The following SIAH1 variants were observed in gnomAD, a reference collection of about 807,000 sequenced individuals.
SIAH1 encodes the protein siah E3 ubiquitin protein ligase 1, also known as E3 ubiquitin-protein ligase SIAH1.
SIAH1 carries 2 observed loss-of-function variants against 20.0 expected under a neutral mutation model. The observed-to-expected ratio is 0.10, with a 90% CI of 0.04 to 0.31. SIAH1 has a LOEUF of 0.31. SIAH1 is among the 10% of genes least tolerant of loss of function. The pLI is 1.00. For synonymous variants in SIAH1, 118 were observed against 125.3 expected, an observed-to-expected ratio of 0.94 and a Z score of 0.39; for missense variants, 119 against 355.3, an observed-to-expected ratio of 0.33 and a Z score of 5.35.
intron 1 of SIAH1, among the ~76,000 whole-genome samples, chr16:48,367,486 T>C (rs768708986): frequency 6.6e-6 from 1 of 152,244 alleles, no homozygotes; most frequent in Non-Finnish European, 1.5e-5. Context: ...GCTCCACCAG[T>C]TGTTGAGCTG....
intron 1 of SIAH1, chr16:48,365,529 C>A: frequency 6.3e-7 from 1 of 1,587,202 alleles, no homozygotes; most frequent in Non-Finnish European, 8.5e-7. Context: ...GGAACAGGCC[C>A]CTCCTGGGCT....
At chr16:48,377,278 A>C (rs540702081) in intron 1 of SIAH1, among the ~76,000 whole-genome samples, 6 of 152,370 alleles carry the variant, frequency 3.9e-5, no homozygotes, top group African/African-American at 1.2e-4. Flanking sequence ...CAAAACAAAA[A>C]AAACAAGTCA....
intron 1 of SIAH1, among the ~76,000 whole-genome samples, chr16:48,372,980 C>T (rs1961023157): frequency 6.6e-6 from 1 of 152,220 alleles, no homozygotes; most frequent in Admixed American, 6.5e-5. Flanking sequence ...AAACTCTGTT[C>T]ACCGACTTCA....
rs544648565 is a variant in SIAH1, at chr16:48,379,364, A to G, written c.-3+5840T>C. On this transcript the variant is annotated intron_variant, in intron 1 of 1. Coordinates refer to ENST00000394725, the MANE Select transcript of SIAH1 (RefSeq NM_003031.4). ...AGCACAAATAGACATTTCAGAGGCT[A>G]AATACAATCATGACCAAAGGCACAG... Among the ~76,000 whole-genome samples the G allele has an allele frequency of 3.3e-5, 5 of 152,360 alleles. 1 individual carries two copies. The highest frequency in any genetic ancestry group is 3.3e-4 in the Admixed American group (5 of 15,310).
At chr16:48,378,725 T>C (rs1009037649) in intron 1 of SIAH1, among the ~76,000 whole-genome samples, 2 of 152,182 alleles carry the variant, frequency 1.3e-5, no homozygotes, top group African/African-American at 4.8e-5. Context: ...TCTCTTTCCC[T>C]CTGCACAGTT....
intron 1 of SIAH1, among the ~76,000 whole-genome samples, chr16:48,377,892 A>T (rs1225806412): frequency 1.3e-5 from 2 of 152,090 alleles, no homozygotes; most frequent in African/African-American, 2.4e-5. Flanking sequence ...AGCCTGGACA[A>T]CATAGTGAGA....
At chr16:48,380,702 T>C (rs746430761) in intron 1 of SIAH1, among the ~76,000 whole-genome samples, 2 of 151,400 alleles carry the variant, frequency 1.3e-5, no homozygotes, top group Non-Finnish European at 2.9e-5. Context: ...GGTGGGCGAA[T>C]CACTTGAGGT....
chr16:48,363,422 G>A (rs1960688659), intron 1 of SIAH1: 1 of 167,056 alleles, frequency 6.0e-6, no homozygotes, highest in African/African-American at 2.4e-5. Context: ...AGTGAAGGTG[G>A]CGAAAATATA....
At chr16:48,375,172 GGAGT>G (rs1567374286) in intron 1 of SIAH1, among the ~76,000 whole-genome samples, 3 of 152,142 alleles carry the variant, frequency 2.0e-5, no homozygotes, top group Admixed American at 1.3e-4. Context: ...TGTTGGCAAA[GGAGT>G]GAGTGTGTAT....
intron 1 of SIAH1, among the ~76,000 whole-genome samples, chr16:48,379,418 A>G (rs879851243): frequency 2.6e-5 from 4 of 152,228 alleles, no homozygotes; most frequent in Non-Finnish European, 5.9e-5. Flanking sequence ...CAAGGAACAA[A>G]AGAACCCAGT....
Position 48,361,510 on chromosome 16 carries a change from A to G in SIAH1, c.*70T>C, listed in dbSNP as rs752826901. The G allele has an allele frequency of 3.3e-6, 5 of 1,525,160 alleles. No individual in the cohort carries two copies. In the Admixed American group the frequency reaches 8.4e-5, roughly 26 times the overall value. The allele number at this position is 1,525,160 out of a possible 1,614,324, so 94.5% of individuals were successfully genotyped here. On this transcript the variant is annotated 3_prime_UTR_variant, in exon 2 of 2. Coordinates refer to ENST00000394725, the MANE Select transcript of SIAH1 (RefSeq NM_003031.4). ...TACCGAAAGAGTTTTAGGTTGGCAGACAGATGGGTGCCTTATTTTCTGTGA... is the reference window on the plus strand; with the variant it reads ...TACCGAAAGAGTTTTAGGTTGGCAGGCAGATGGGTGCCTTATTTTCTGTGA...
At chr16:48,386,244 C>T (rs867746102), upstream of SIAH1, among the ~76,000 whole-genome samples, 2 of 152,226 alleles carry the variant, frequency 1.3e-5, no homozygotes, top group Admixed American at 6.5e-5. Context: ...CGGTGGCTCA[C>T]GCCTGTAATC....
At chr16:48,367,216 C>T (rs1210465776) in intron 1 of SIAH1, among the ~76,000 whole-genome samples, 3 of 152,234 alleles carry the variant, frequency 2.0e-5, no homozygotes, top group African/African-American at 7.2e-5. Context: ...TTTTTTCATT[C>T]GACAGGTCTT....
chr16:48,386,063 T>C (rs1167442825), upstream of SIAH1, among the ~76,000 whole-genome samples: 1 of 152,228 alleles, frequency 6.6e-6, no homozygotes, highest in African/African-American at 2.4e-5. Flanking sequence ...CATGCTCATC[T>C]GGAAAGTCCC....
chr16:48,384,450 A>T (rs1015567368), intron 1 of SIAH1, among the ~76,000 whole-genome samples: 6 of 152,188 alleles, frequency 3.9e-5, no homozygotes, highest in Admixed American at 2.0e-4. Context: ...GAGTTAAGAA[A>T]GGACCCCAAA....
intron 1 of SIAH1, among the ~76,000 whole-genome samples, chr16:48,382,051 A>G (rs1043377952): frequency 1.3e-5 from 2 of 152,118 alleles, no homozygotes; most frequent in African/African-American, 4.8e-5. Context: ...AAATCTGCAT[A>G]AGGGGATATA....
At chr16:48,382,901 C>G (rs2151056128) in intron 1 of SIAH1, among the ~76,000 whole-genome samples, 1 of 152,244 alleles carries the variant, frequency 6.6e-6, no homozygotes, top group Admixed American at 6.5e-5. Flanking sequence ...TTCAAAACAC[C>G]ATACTCACTG....
At chr16:48,376,695 T>C (rs1961118487) in intron 1 of SIAH1, among the ~76,000 whole-genome samples, 1 of 152,140 alleles carries the variant, frequency 6.6e-6, no homozygotes, top group Admixed American at 6.5e-5. Flanking sequence ...ACAAAATTTA[T>C]GATAGCCCCC....
chr16:48,367,141 C>A (rs1960863265), intron 1 of SIAH1, among the ~76,000 whole-genome samples: 1 of 152,232 alleles, frequency 6.6e-6, no homozygotes, highest in African/African-American at 2.4e-5. Flanking sequence ...CTAAAGCCAT[C>A]AGCCTGCCTT....
Sources: gnomAD v4.1 joint callset for allele counts (sites outside exome capture counted in the v4.1 genomes callset) on GRCh38, gnomAD v4.1.1 for gene constraint, MANE v1.5 for transcripts, NCBI Gene and HGNC (gene_info 2026-07-23, HGNC 2026-07-21) for gene names.